The following SERPINH1 variants were observed in gnomAD, a reference collection of about 807,000 sequenced individuals.
SERPINH1 encodes the protein serpin family H member 1.
In SERPINH1, 22 loss-of-function variants were observed where a neutral mutation model predicts 32.3. That is an observed-to-expected ratio of 0.68 (90% CI 0.49 to 0.97). The LOEUF is 0.97. Ranked by LOEUF, SERPINH1 falls within the 50% of genes least tolerant of loss-of-function variation. The probability of loss-of-function intolerance (pLI) is 0.00; values close to 1 mark genes in which losing one functional copy is unlikely to be tolerated. For missense variants in SERPINH1, 543 were observed against 576.4 expected, an observed-to-expected ratio of 0.94 and a Z score of 0.59; for synonymous variants, 251 against 245.9, an observed-to-expected ratio of 1.02 and a Z score of -0.19.
At chr11:75,571,751 C>A in intron 4 of SERPINH1, 30 bp from the exon 5 acceptor site, 1 of 1,607,878 alleles carries the variant, frequency 6.2e-7, no homozygotes. Context: ...CAGCCATGGC[C>A]TCACCTGGCA....
chr11:75,569,640 C>G (rs1310662283), intron 4 of SERPINH1, among the ~76,000 whole-genome samples: 1 of 152,232 alleles, frequency 6.6e-6, no homozygotes, highest in African/African-American at 2.4e-5. Flanking sequence ...CCAGGCTGGT[C>G]TCAAACTCCT....
Position 75,572,253 on chromosome 11 carries a change from A to G in SERPINH1, c.*170A>G, listed in dbSNP as rs939761643. The G allele has an allele frequency of 4.3e-6, 3 of 691,776 alleles. No individual in the cohort carries two copies. The highest frequency in any genetic ancestry group is 7.7e-6 in the Non-Finnish European group (3 of 389,038). 42.9% of individuals were successfully genotyped at this position (691,776 alleles called of 1,614,324 possible). A position where few individuals can be genotyped will look rare whatever the true frequency, so the allele number is the denominator to read the frequency against. On this transcript the variant is annotated 3_prime_UTR_variant, in exon 5 of 5. Coordinates refer to ENST00000358171, the MANE Select transcript of SERPINH1 (RefSeq NM_001235.5). ...GCCTGAGCGGACCTTCCCAGCTAGA[A>G]TTCACTCCACTTGGACATGGGCCCC...
chr11:75,568,317 T>C, intron 2 of SERPINH1: 1 of 282,840 alleles, frequency 3.5e-6, no homozygotes, highest in Non-Finnish European at 6.9e-6. Flanking sequence ...AAAAAAAAAT[T>C]AAGGGTGGTC....
At position 75,572,438 on chromosome 11, in the gene SERPINH1, G is replaced by T; in HGVS notation, c.*355G>T. 2.8e-6 allele frequency: 1 copy of T among 361,060 alleles called. No individual in the cohort carries two copies. Among genetic ancestry groups the T allele is most frequent in the Admixed American group, 3.8e-5 (1 of 26,276 alleles). 22.4% of individuals were successfully genotyped at this position (361,060 alleles called of 1,614,324 possible). On this transcript the variant is annotated 3_prime_UTR_variant, in exon 5 of 5. Coordinates refer to ENST00000358171, the MANE Select transcript of SERPINH1 (RefSeq NM_001235.5). ...TGTGAGACCAAATTGAGCTAGGGGGGTCAGCCAGCCCTCTTCTGACACTAA... is the reference window on the plus strand; with the variant it reads ...TGTGAGACCAAATTGAGCTAGGGGGTTCAGCCAGCCCTCTTCTGACACTAA...
At position 75,567,607 on chromosome 11, in the gene SERPINH1, C is replaced by T. The variant is rs1272211708; in HGVS notation, c.622+636C>T. ...AAAGTGCTGGGATTACAGGTGCGAG[C>T]CACCATGTGCGGCCAAGACCCAGAA... On this transcript the variant is annotated intron_variant, in intron 2 of 4. Transcript: ENST00000358171. 2.0e-5 allele frequency among the ~76,000 whole-genome samples: 3 copies of T among 152,342 alleles called. No individual in the cohort carries two copies. The East Asian group carries it at 5.8e-4, about 29-fold the overall frequency.
intron 1 of SERPINH1, among the ~76,000 whole-genome samples, chr11:75,565,525 A>G (rs1942059013): frequency 6.6e-6 from 1 of 152,144 alleles, no homozygotes; most frequent in Non-Finnish European, 1.5e-5. Context: ...GTAGATGGGC[A>G]TTCCAAGTTC....
At chr11:75,566,995 G>GTCATCC in intron 2 of SERPINH1, 24 bp downstream of exon 2, 6 of 1,546,758 alleles carry the variant, frequency 3.9e-6, no homozygotes, top group Non-Finnish European at 5.3e-6. Context: ...GCGTTCAGGG[G>GTCATCC]TCCTCCTCCT....
At position 75,566,872 on chromosome 11, in the gene SERPINH1, G is replaced by C. The variant is rs766813083; in HGVS notation, c.523G>C (p.Glu175Gln). The C allele has an allele frequency of 3.1e-6, 5 of 1,610,746 alleles. No homozygotes were observed. Among genetic ancestry groups the C allele is most frequent in the South Asian group, 1.1e-5 (1 of 91,086 alleles). ...GCGCAGCGCGCTGCAGTCCATCAAC[G>C]AGTGGGCCGCGCAGACCACCGACGG... Reference protein sequence around the residue: ...DKRSALQSINEWAAQTTDGKL... With the variant: ...DKRSALQSINQWAAQTTDGKL... Residue 175 changes from glutamate to glutamine, a missense_variant, in exon 2 of 5, where the codon GAG (glutamate) becomes CAG (glutamine). Physicochemically the swap from Glu to Gln is conservative, Grantham distance 29 (BLOSUM62 2). Around this residue, in one of 3 missense-constraint regions of SERPINH1, gnomAD observed 427 missense variants for 446.4 expected, o/e 0.96. Transcript: ENST00000358171.
At chr11:75,570,616 T>A (rs1008228166) in intron 4 of SERPINH1, among the ~76,000 whole-genome samples, 13 of 152,184 alleles carry the variant, frequency 8.5e-5, no homozygotes, top group African/African-American at 2.9e-4. Flanking sequence ...ACCCCCTGAC[T>A]CTCAGGACCT....
At chr11:75,564,195 C>T (rs1393133147) in intron 1 of SERPINH1, among the ~76,000 whole-genome samples, 3 of 152,246 alleles carry the variant, frequency 2.0e-5, no homozygotes, top group Non-Finnish European at 2.9e-5. Flanking sequence ...CTCTGCCGGC[C>T]GGTGGAGATA....
chr11:75,568,797 A>G lies in SERPINH1; in HGVS notation c.689A>G (p.Tyr230Cys), dbSNP rs1260400078. The change falls in exon 3 of 5, where the codon TAT becomes TGT. Residue 230 changes from tyrosine (Y) to cysteine (C), a missense_variant. By Grantham distance (194) the Tyr-to-Cys change is radical. Transcript: ENST00000358171. ...DNRGFMVTRS[Y>C]TVGVMMMHRT... The stretch of plus-strand genomic sequence containing the variant: ...CGTGGCTTCATGGTGACTCGGTCCT[A>G]TACCGTGGGTGTCATGATGATGCAC... The G allele has an allele frequency of 5.0e-6, 8 of 1,613,882 alleles. No individual in the cohort carries two copies. Among genetic ancestry groups the G allele is most frequent in the Non-Finnish European group, 6.8e-6 (8 of 1,179,950 alleles).
At position 75,571,929 on chromosome 11, in the gene SERPINH1, A is replaced by G; in HGVS notation, c.1103A>G (p.Gln368Arg). 1 of 1,614,238 alleles carries G rather than the reference A, an allele frequency of 6.2e-7. No individual in the cohort carries two copies. ...ELDTDGNPFD[Q>R]DIYGREELRS... is the part of the protein sequence containing the mutation. The stretch of plus-strand genomic sequence containing the variant: ...GACACAGATGGCAACCCCTTTGACC[A>G]GGACATCTACGGGCGCGAGGAGCTG... The change falls in exon 5 of 5, where the codon CAG becomes CGG. Residue 368 changes from glutamine (Q) to arginine (R), a missense_variant. By Grantham distance (43) the Gln-to-Arg change is conservative. This residue lies in a region of SERPINH1 where 427 missense variants were observed against 446.4 expected (regional missense o/e 0.96). Transcript: ENST00000358171.
In SERPINH1 at chr11:75,572,310, C is replaced by T; in HGVS notation, c.*227C>T. ...CATGATGCTGAGCCCGGAAACTCCACATCCTGTGGGACCTGGGCCATAGTC... is the reference window on the plus strand; with the variant it reads ...CATGATGCTGAGCCCGGAAACTCCATATCCTGTGGGACCTGGGCCATAGTC... On this transcript the variant is annotated 3_prime_UTR_variant, in exon 5 of 5. Transcript: ENST00000358171. 1 of 606,918 alleles carries T rather than the reference C, an allele frequency of 1.6e-6. No individual in the cohort carries two copies. Among genetic ancestry groups the T allele is most frequent in the Non-Finnish European group, 3.0e-6 (1 of 336,534 alleles). The allele number at this position is 606,918 out of a possible 1,614,324, so 37.6% of individuals were successfully genotyped here.
At chr11:75,566,223 C>G (rs989816497) in intron 1 of SERPINH1, 93 bp from the exon 2 acceptor site, 1 of 1,177,900 alleles carries the variant, frequency 8.5e-7, no homozygotes, top group African/African-American at 1.5e-5. Context: ...GCCCCCATCT[C>G]CAGGGGACTT....
rs780442561 is a variant in SERPINH1, at chr11:75,571,805, A to G, written c.979A>G (p.Thr327Ala). Residue 327 changes from threonine to alanine, a missense_variant, in exon 5 of 5, where the codon ACT (threonine) becomes GCT (alanine). Thr to Ala is a moderately conservative substitution (Grantham distance 58). This residue lies in a region of SERPINH1 where 427 missense variants were observed against 446.4 expected (regional missense o/e 0.96). Coordinates refer to ENST00000358171, the MANE Select transcript of SERPINH1 (RefSeq NM_001235.5). ...GAAACACCTGGCTGGGCTGGGCCTG[A>G]CTGAGGCCATTGACAAGAACAAGGC... ...LQKHLAGLGL[T>A]EAIDKNKADL... 6.2e-7 allele frequency: 1 copy of G among 1,613,984 alleles called. No homozygotes were observed. Among genetic ancestry groups the G allele is most frequent in the Non-Finnish European group, 8.5e-7 (1 of 1,180,024 alleles).
intron 4 of SERPINH1, chr11:75,569,404 C>T: frequency 1.8e-6 from 1 of 559,274 alleles, no homozygotes; most frequent in East Asian, 2.9e-5. Flanking sequence ...AGGCGTTCTT[C>T]TAAGCACTTT....
chr11:75,568,731 C>T lies in SERPINH1; in HGVS notation c.623C>T (p.Pro208Leu). Residue 208 changes from proline to leucine, a missense_variant and splice_region_variant, in exon 3 of 5, where the codon CCA (proline) becomes CTA (leucine). Coordinates refer to ENST00000358171, the MANE Select transcript of SERPINH1 (RefSeq NM_001235.5). Reference protein sequence around the residue: ...ALLVNAMFFKPHWDEKFHHKM... With the variant: ...ALLVNAMFFKLHWDEKFHHKM... ...ACCCTGTGTTTTGCCCCAACTACAG[C>T]ACACTGGGATGAGAAATTCCACCAC... 2 of 1,611,100 alleles carry T rather than the reference C, an allele frequency of 1.2e-6. No individual in the cohort carries two copies. Among genetic ancestry groups the T allele is most frequent in the East Asian group, 2.2e-5 (1 of 44,864 alleles).
In SERPINH1 at chr11:75,572,634, C is replaced by T. The variant is rs529229750; in HGVS notation, c.*551C>T. ...AGACTCTGGTCAAGAAGCATCGTGT[C>T]TGGCGTTGTGGGGATGAACTTTTTG... On this transcript the variant is annotated 3_prime_UTR_variant, in exon 5 of 5. Transcript: ENST00000358171. 1.2e-5 allele frequency: 2 copies of T among 163,760 alleles called. No individual in the cohort carries two copies. The highest frequency in any genetic ancestry group is 3.3e-4 in the South Asian group (2 of 6,048). The allele number at this position is 163,760 out of a possible 1,614,324, so 10.1% of individuals were successfully genotyped here. A position where few individuals can be genotyped will look rare whatever the true frequency, so the allele number is the denominator to read the frequency against.
intron 1 of SERPINH1, chr11:75,563,112 T>C (rs1056323971): frequency 6.6e-6 from 1 of 152,288 alleles, no homozygotes; most frequent in Non-Finnish European, 1.5e-5. Context: ...TTGGAGTAAC[T>C]GCAGGGTTTA....
Sources: allele counts gnomAD v4.1 joint callset (sites outside exome capture counted in the v4.1 genomes callset), GRCh38; gene constraint gnomAD v4.1.1; regional missense constraint gnomAD v4.1.1; transcripts MANE v1.5; gene names NCBI Gene and HGNC (gene_info 2026-07-23, HGNC 2026-07-21).